CSMD1: variants seen among roughly 807,000 people sequenced by gnomAD.
CSMD1 encodes CUB and sushi domain-containing protein 1.
Under a neutral mutation model 417.5 loss-of-function variants are expected in CSMD1, and 213 were observed. The observed-to-expected ratio is 0.51, with a 90% CI of 0.46 to 0.57. The LOEUF is 0.57. CSMD1 is among the 20% of genes least tolerant of loss of function. The pLI, the probability that CSMD1 is intolerant of heterozygous loss-of-function variation, is 0.00. For missense variants in CSMD1, 6,923 were observed against 4,529.7 expected (o/e 1.53, Z -15.17); for synonymous variants, 2,862 against 1,736.8 (o/e 1.65, Z -16.11).
intron 5 of CSMD1, among the ~76,000 whole-genome samples, chr8:3,796,735 G>T (rs538814012): frequency 1.3e-5 from 2 of 150,970 alleles, no homozygotes; most frequent in African/African-American, 4.8e-5. Context: ...ATGTCACCTT[G>T]TTATAGGTGG....
chr8:3,665,984 T>G (rs1476236916), intron 7 of CSMD1, among the ~76,000 whole-genome samples: 1 of 152,122 alleles, frequency 6.6e-6, no homozygotes, highest in Non-Finnish European at 1.5e-5. Flanking sequence ...TTCAAGTGAT[T>G]TTCCTGCCTT....
intron 2 of CSMD1, among the ~76,000 whole-genome samples, chr8:4,636,443 T>A (rs1802814588): frequency 6.6e-6 from 1 of 152,192 alleles, no homozygotes; most frequent in Non-Finnish European, 1.5e-5. Flanking sequence ...CTCCAAAGAA[T>A]GCAATAGCCC....
At chr8:3,823,013 G>C (rs540415398) in intron 5 of CSMD1, among the ~76,000 whole-genome samples, 1 of 152,130 alleles carries the variant, frequency 6.6e-6, no homozygotes, top group Non-Finnish European at 1.5e-5. Context: ...GGCTGAGTCA[G>C]CTGAAAACAT....
intron 5 of CSMD1, among the ~76,000 whole-genome samples, chr8:3,924,108 T>A (rs1397584603): frequency 6.6e-6 from 1 of 152,190 alleles, no homozygotes; most frequent in Non-Finnish European, 1.5e-5. Flanking sequence ...CAGCTCTTGT[T>A]GATGCGGGAA....
At chr8:3,285,693 C>T (rs1008176663) in intron 25 of CSMD1, among the ~76,000 whole-genome samples, 5 of 151,978 alleles carry the variant, frequency 3.3e-5, no homozygotes, top group African/African-American at 1.2e-4. Context: ...GCCACCACGC[C>T]CAGACCAGAA....
chr8:4,716,927 A>C (rs1808694529), intron 1 of CSMD1, among the ~76,000 whole-genome samples: 1 of 152,186 alleles, frequency 6.6e-6, no homozygotes, highest in Non-Finnish European at 1.5e-5. Context: ...TTTAACAATG[A>C]GATCCAATAG....
intron 3 of CSMD1, among the ~76,000 whole-genome samples, chr8:4,317,188 G>C (rs559594091): frequency 1.3e-5 from 2 of 152,256 alleles, no homozygotes; most frequent in Non-Finnish European, 1.5e-5. Flanking sequence ...TTATAAAGCA[G>C]CTCAATGGGT....
intron 3 of CSMD1, among the ~76,000 whole-genome samples, chr8:4,085,051 G>C (rs1800348437): frequency 6.6e-6 from 1 of 152,136 alleles, no homozygotes; most frequent in Admixed American, 6.5e-5. Flanking sequence ...AAGTTCATAA[G>C]CAATATGTTG....
chr8:3,269,981 A>C (rs1455625615), intron 26 of CSMD1, among the ~76,000 whole-genome samples: 1 of 150,604 alleles, frequency 6.6e-6, no homozygotes, highest in African/African-American at 2.4e-5. Flanking sequence ...TACTCCATTG[A>C]TGGCCATCAA....
chr8:4,461,481 A>T (rs1318130506), intron 2 of CSMD1, among the ~76,000 whole-genome samples: 1 of 150,452 alleles, frequency 6.6e-6, no homozygotes, highest in Admixed American at 6.6e-5. Flanking sequence ...AAACTATTAG[A>T]ATTTAAGAAC....
At chr8:3,127,324 C>A (rs1456913125) in intron 41 of CSMD1, 1 of 152,124 alleles carries the variant, frequency 6.6e-6, no homozygotes, top group African/African-American at 2.4e-5. Context: ...TTGCCCTGTT[C>A]CCCTAATTAC....
intron 11 of CSMD1, among the ~76,000 whole-genome samples, chr8:3,488,488 G>T (rs562030027): frequency 6.6e-6 from 1 of 152,138 alleles, no homozygotes; most frequent in Non-Finnish European, 1.5e-5. Context: ...GCTTCTTGCA[G>T]TATAAAATGT....
At chr8:3,021,717 A>G (rs957143493) in intron 51 of CSMD1, among the ~76,000 whole-genome samples, 2 of 120,982 alleles carry the variant, frequency 1.7e-5, no homozygotes, top group African/African-American at 5.4e-5. Context: ...TCTGGAATGC[A>G]CCTGCAATCC....
chr8:4,488,539 C>T (rs1193063552), intron 2 of CSMD1, among the ~76,000 whole-genome samples: 1 of 152,092 alleles, frequency 6.6e-6, no homozygotes, highest in Non-Finnish European at 1.5e-5. Flanking sequence ...TGTTTTTAAA[C>T]TGGTGGAGTC....
At chr8:4,272,469 T>C (rs770732794) in intron 3 of CSMD1, among the ~76,000 whole-genome samples, 4 of 152,258 alleles carry the variant, frequency 2.6e-5, no homozygotes, top group Middle Eastern at 3.4e-3. Context: ...TATGAGTATA[T>C]AGGCACAGAT....
At position 3,408,256 on chromosome 8, in the gene CSMD1, T is replaced by TTA. The variant is rs763500299; in HGVS notation, c.1745-33_1745-32dup. On this transcript the variant is annotated intron_variant, in intron 13 of 69. Transcript: ENST00000635120. ...AAGATGCAAATATATTTTCAAACAG[T>TTA]TATGCACATATCCAAAGAATTGCCA... The TTA allele has an allele frequency of 4.0e-6, 6 of 1,507,906 alleles. No individual in the cohort carries two copies. In the African/African-American group the frequency reaches 6.9e-5, roughly 17 times the overall value. 93.4% of individuals were successfully genotyped at this position (1,507,906 alleles called of 1,614,324 possible). A position where few individuals can be genotyped will look rare whatever the true frequency, so the allele number is the denominator to read the frequency against.
At chr8:4,416,003 C>T (rs543283046) in intron 3 of CSMD1, among the ~76,000 whole-genome samples, 1 of 152,236 alleles carries the variant, frequency 6.6e-6, no homozygotes, top group East Asian at 1.9e-4. Context: ...ACTTTCTCTA[C>T]GTGATAATAA....
chr8:3,520,019 C>CATATATATATATATAT lies in CSMD1; in HGVS notation c.1345-26294_1345-26293insATATATATATATATAT, dbSNP rs1491479503. 1.1e-3 allele frequency among the ~76,000 whole-genome samples: 123 copies of CATATATATATATATAT among 114,004 alleles called. 3 individuals are homozygous for CATATATATATATATAT. The highest frequency in any genetic ancestry group is 4.3e-3 in the African/African-American group (106 of 24,720). The allele number at this position is 114,004 out of a possible 152,430, so 74.8% of individuals were successfully genotyped here. On this transcript the variant is annotated intron_variant, in intron 10 of 69. Coordinates refer to ENST00000635120, the MANE Select transcript of CSMD1 (RefSeq NM_033225.6). The stretch of plus-strand genomic sequence containing the variant: ...ATATATATGTGTGTGTGTGTATATA[C>CATATATATATATATAT]CTATATATATATATATATATACACG...
At chr8:4,584,731 C>A (rs918300940) in intron 2 of CSMD1, among the ~76,000 whole-genome samples, 6 of 152,100 alleles carry the variant, frequency 3.9e-5, no homozygotes, top group Non-Finnish European at 8.8e-5. Flanking sequence ...TGACCCTTGC[C>A]CTCTGGGTCC....
Sources: gnomAD v4.1 joint callset for allele counts (sites outside exome capture counted in the v4.1 genomes callset) on GRCh38, gnomAD v4.1.1 for gene constraint, MANE v1.5 for transcripts, NCBI Gene and HGNC (gene_info 2026-07-23, HGNC 2026-07-21) for gene names.